Variants in CLVS1 observed in about 807,000 individuals in gnomAD.
CLVS1 encodes the protein clavesin-1.
CLVS1 carries 10 observed loss-of-function variants against 33.1 expected under a neutral mutation model. The observed-to-expected ratio is 0.30, with a 90% confidence interval of 0.19 to 0.51. CLVS1 has a LOEUF of 0.51. Ranked by LOEUF, CLVS1 falls within the 20% of genes least tolerant of loss-of-function variation. The probability of loss-of-function intolerance (pLI) is 0.97; values close to 1 mark genes in which losing one functional copy is unlikely to be tolerated. For missense variants in CLVS1, 343 were observed against 433.4 expected, an observed-to-expected ratio of 0.79 and a Z score of 1.85; for synonymous variants, 163 against 166.1, an observed-to-expected ratio of 0.98 and a Z score of 0.14.
chr8:61,147,920 C>T (rs917852401), intron 2 of CLVS1, among the ~76,000 whole-genome samples: 1 of 152,160 alleles, frequency 6.6e-6, no homozygotes, highest in Non-Finnish European at 1.5e-5. Context: ...GATCCAGGGG[C>T]CTTATAGTAA....
rs1297833777 is a variant in CLVS1, at chr8:61,361,581, A to G, written c.456-15024A>G. Among the ~76,000 whole-genome samples, 4 of 152,296 alleles carry G rather than the reference A, an allele frequency of 2.6e-5. No individual in the cohort carries two copies. In the South Asian group the frequency reaches 8.3e-4, roughly 32 times the overall value. On this transcript the variant is annotated intron_variant, in intron 2 of 5. Coordinates refer to ENST00000325897, the MANE Select transcript of CLVS1 (RefSeq NM_173519.3). ...CAAATGGATGCAATAAGTCTTCCCC[A>G]TAGCCCATCTCTGGCTGTACAGAGA...
chr8:61,464,570 C>A (rs1172608264), intron 5 of CLVS1: 1 of 152,268 alleles, frequency 6.6e-6, no homozygotes. Context: ...GAGGAAGAAT[C>A]ACTAATTTTG....
At chr8:61,486,986 G>T (rs961065880) in intron 5 of CLVS1, among the ~76,000 whole-genome samples, 1 of 152,196 alleles carries the variant, frequency 6.6e-6, no homozygotes, top group Admixed American at 6.5e-5. Flanking sequence ...CACTTGGAGT[G>T]TTTCCTACCT....
intron 1 of CLVS1, among the ~76,000 whole-genome samples, chr8:61,109,140 T>C (rs1805586548): frequency 6.6e-6 from 1 of 152,188 alleles, no homozygotes; most frequent in Middle Eastern, 3.2e-3. Flanking sequence ...GAGGCTGCTA[T>C]GCATTCTGGC....
At chr8:61,121,151 C>T (rs919103037) in intron 1 of CLVS1, among the ~76,000 whole-genome samples, 4 of 151,960 alleles carry the variant, frequency 2.6e-5, no homozygotes, top group African/African-American at 9.7e-5. Flanking sequence ...TGCCGTCAGT[C>T]ACCCCTTTCT....
intron 2 of CLVS1, among the ~76,000 whole-genome samples, chr8:61,133,745 G>C (rs933093276): frequency 6.6e-6 from 1 of 152,126 alleles, no homozygotes; most frequent in African/African-American, 2.4e-5. Flanking sequence ...AAGAGTCTTG[G>C]TGATGAAGCC....
At position 61,232,043 on chromosome 8, in the gene CLVS1, T is replaced by TGTTTG. The variant is rs1563455158; in HGVS notation, c.-151-67634_-151-67633insGTTTG. On this transcript the variant is annotated intron_variant, in intron 2 of 2. Coordinates refer to the CLVS1 transcript ENST00000522621. Reference sequence around the variant, plus strand: ...TTGTGGTTTTTTTTTTTTTTTTTTTTTTTTTTTGTGAGATGGAGTCTCGCT... The same window carrying TGTTTG: ...TTGTGGTTTTTTTTTTTTTTTTTTTTGTTTGTTTTTTTGTGAGATGGAGTCTCGCT... 8.9e-4 allele frequency among the ~76,000 whole-genome samples: 125 copies of TGTTTG among 139,938 alleles called. 10 individuals are homozygous for TGTTTG. Among genetic ancestry groups the TGTTTG allele is most frequent in the African/African-American group, 3.1e-3 (108 of 34,490 alleles). The allele number at this position is 139,938 out of a possible 152,430, so 91.8% of individuals were successfully genotyped here. A position where few individuals can be genotyped will look rare whatever the true frequency, so the allele number is the denominator to read the frequency against.
chr8:61,330,825 C>T (rs1018843329), intron 2 of CLVS1, among the ~76,000 whole-genome samples: 6 of 151,828 alleles, frequency 4.0e-5, no homozygotes, highest in Non-Finnish European at 8.8e-5. Context: ...CTTGGTGTCT[C>T]GTGCCTGCAA....
intron 3 of CLVS1, among the ~76,000 whole-genome samples, chr8:61,448,313 T>C (rs1816829062): frequency 6.6e-6 from 1 of 152,156 alleles, no homozygotes; most frequent in South Asian, 2.1e-4. Flanking sequence ...TTTTCAGCCA[T>C]TATTTTCTTA....
chr8:61,416,916 G>C (rs1407475354), intron 3 of CLVS1, among the ~76,000 whole-genome samples: 1 of 152,116 alleles, frequency 6.6e-6, no homozygotes, highest in East Asian at 1.9e-4. Context: ...AGTTTGAGAG[G>C]GTGGAAGAGG....
At chr8:61,468,134 A>G (rs1817615834) in intron 5 of CLVS1, among the ~76,000 whole-genome samples, 1 of 152,220 alleles carries the variant, frequency 6.6e-6, no homozygotes, top group Non-Finnish European at 1.5e-5. Context: ...ATGGAATATT[A>G]ACAACAATGT....
At chr8:61,121,067 A>C (rs1443098290) in intron 1 of CLVS1, among the ~76,000 whole-genome samples, 3 of 151,676 alleles carry the variant, frequency 2.0e-5, no homozygotes, top group Non-Finnish European at 2.9e-5. Context: ...GCGGGGTATA[A>C]TCTCGTGGTG....
chr8:61,467,973 G>A (rs1270906927), intron 5 of CLVS1, among the ~76,000 whole-genome samples: 1 of 152,108 alleles, frequency 6.6e-6, no homozygotes, highest in Non-Finnish European at 1.5e-5. Flanking sequence ...CGAAAACATT[G>A]CATTTGTTAA....
In CLVS1 at chr8:61,300,231, A is replaced by T. The variant is rs778907865; in HGVS notation, c.404A>T (p.His135Leu). The T allele has an allele frequency of 6.2e-7, 1 of 1,613,866 alleles. No homozygotes were observed. The highest frequency in any genetic ancestry group is 8.5e-7 in the Non-Finnish European group (1 of 1,179,948). ...CCCGGGGTGCTGGAAAACCGAGACC[A>T]TTACGGCAGGAAGATTCTTTTGCTG... Reference protein sequence around the residue: ...GFPGVLENRDHYGRKILLLFA... With the variant: ...GFPGVLENRDLYGRKILLLFA... Residue 135 changes from histidine to leucine, a missense_variant, in exon 2 of 6, where the codon CAT becomes CTT. Physicochemically the swap from His to Leu is moderately conservative, Grantham distance 99 (BLOSUM62 -3). Transcript: ENST00000325897.
At chr8:61,077,489 TTATTGA>T (rs1235196542) in intron 1 of CLVS1, among the ~76,000 whole-genome samples, 1 of 119,578 alleles carries the variant, frequency 8.4e-6, no homozygotes, top group African/African-American at 3.1e-5. Flanking sequence ...ATTATTATTA[TTATTGA>T]GACGGAGTCT....
rs547263116 is a variant in CLVS1, at chr8:61,471,226, TGC to T, written c.977+12685_977+12686del. ...TTGACTACAGAGTGGATGTAACATGTGCAAGAGCTCCCGGCTTGCTGTTAGGG... is the reference window on the plus strand; with the variant it reads ...TTGACTACAGAGTGGATGTAACATGTAAGAGCTCCCGGCTTGCTGTTAGGG... On this transcript the variant is annotated intron_variant, in intron 5 of 5. Transcript: ENST00000325897. Among the ~76,000 whole-genome samples the T allele has an allele frequency of 2.3e-4, 35 of 152,352 alleles. No homozygotes were observed. In the South Asian group the frequency reaches 7.1e-3, roughly 31 times the overall value.
intron 3 of CLVS1, among the ~76,000 whole-genome samples, chr8:61,449,716 C>A (rs1816885128): frequency 6.6e-6 from 1 of 152,108 alleles, no homozygotes; most frequent in South Asian, 2.1e-4. Flanking sequence ...CCAGGTACTG[C>A]CTTCTTCTGT....
At chr8:61,054,785 C>A (rs1282265664), upstream of CLVS1, among the ~76,000 whole-genome samples, 3 of 152,058 alleles carry the variant, frequency 2.0e-5, no homozygotes, top group Non-Finnish European at 4.4e-5. Context: ...GCATGAGTCA[C>A]CCATGGGAAG....
intron 3 of CLVS1, among the ~76,000 whole-genome samples, chr8:61,388,305 A>C (rs1025181962): frequency 6.7e-6 from 1 of 150,204 alleles, no homozygotes; most frequent in Non-Finnish European, 1.5e-5. Context: ...TGGTGTTCCT[A>C]TCTGAATCAA....
Sources: allele counts gnomAD v4.1 joint callset (sites outside exome capture counted in the v4.1 genomes callset), GRCh38; gene constraint gnomAD v4.1.1; transcripts MANE v1.5; gene names NCBI Gene and HGNC (gene_info 2026-07-23, HGNC 2026-07-21).